The following ACAT2 variants were observed in gnomAD, a reference collection of about 807,000 sequenced individuals.
The protein encoded by ACAT2 is acetyl-CoA acetyltransferase 2, also known as acetyl-CoA acetyltransferase, cytosolic.
ACAT2 carries 26 observed loss-of-function variants against 37.1 expected under a neutral mutation model. The observed-to-expected ratio is 0.70, with a 90% CI of 0.51 to 0.97. ACAT2 has a LOEUF of 0.97. Ranked by LOEUF, ACAT2 falls within the 50% of genes least tolerant of loss-of-function variation. The probability of loss-of-function intolerance (pLI) is 0.00; values close to 1 mark genes in which losing one functional copy is unlikely to be tolerated. For missense variants in ACAT2, 468 were observed against 489.0 expected, an observed-to-expected ratio of 0.96 and a Z score of 0.40; for synonymous variants, 156 against 163.6, an observed-to-expected ratio of 0.95 and a Z score of 0.35.
At chr6:159,763,314 A>T (rs550507406) in intron 2 of ACAT2, among the ~76,000 whole-genome samples, 1 of 152,146 alleles carries the variant, frequency 6.6e-6, no homozygotes, top group East Asian at 1.9e-4. Context: ...GCACTTTGGG[A>T]GGCGGAGGAG....
chr6:159,778,809 ATG>A lies in ACAT2; in HGVS notation c.1180_1181del (p.Val394SerfsTer22). 6.2e-7 allele frequency: 1 copy of A among 1,614,214 alleles called. No individual in the cohort carries two copies. Among genetic ancestry groups the A allele is most frequent in the East Asian group, 2.2e-5 (1 of 44,876 alleles). On this transcript the variant is annotated frameshift_variant, in exon 9 of 9. Coordinates refer to ENST00000367048, the MANE Select transcript of ACAT2 (RefSeq NM_005891.3). LOFTEE classifies it high-confidence loss of function. Reference sequence around the variant, plus strand: ...CATTGGGGGTGGGATGGGAATAGCAATGTGTGTTCAGAGAGAATGAATTGCTT... The same window carrying A: ...CATTGGGGGTGGGATGGGAATAGCAATGTGTTCAGAGAGAATGAATTGCTT... ...LCIGGGMGIA[M>X]CVQRE
chr6:159,765,623 G>A (rs533138795), intron 2 of ACAT2, among the ~76,000 whole-genome samples: 13 of 151,136 alleles, frequency 8.6e-5, no homozygotes, highest in Non-Finnish European at 1.8e-4. Flanking sequence ...AGAGAGGGGG[G>A]GTTTCACCAT....
At chr6:159,775,591 A>G (rs2114984077) in intron 5 of ACAT2, 1 of 328,386 alleles carries the variant, frequency 3.0e-6, no homozygotes, top group East Asian at 5.8e-5. Context: ...GCACTGGCTC[A>G]TGGTTGTTAG....
At chr6:159,776,794 T>C (rs997534973) in intron 6 of ACAT2, among the ~76,000 whole-genome samples, 1 of 151,562 alleles carries the variant, frequency 6.6e-6, no homozygotes, top group African/African-American at 2.4e-5. Flanking sequence ...TGTAATCCTT[T>C]TTTTTTCTTT....
At chr6:159,762,565 T>C in intron 1 of ACAT2, 1 of 1,339,224 alleles carries the variant, frequency 7.5e-7, no homozygotes, top group South Asian at 1.3e-5. Flanking sequence ...TGGCTAGAAG[T>C]CGTGACTTCG....
chr6:159,776,179 C>G lies in ACAT2; in HGVS notation c.664C>G (p.Pro222Ala). 2 of 1,614,102 alleles carry G rather than the reference C, an allele frequency of 1.2e-6. No homozygotes were observed. Among genetic ancestry groups the G allele is most frequent in the Non-Finnish European group, 1.7e-6 (2 of 1,179,992 alleles). The change falls in exon 6 of 9, where the codon CCT (proline) becomes GCT (alanine). Residue 222 changes from proline to alanine, a missense_variant. Physicochemically the swap from Pro to Ala is conservative, Grantham distance 27. Transcript: ENST00000367048. ...TATTGAAGTTAAAACAGATGAGTTTCCTCGCCATGGGAGCAACATAGAAGC... is the reference window on the plus strand; with the variant it reads ...TATTGAAGTTAAAACAGATGAGTTTGCTCGCCATGGGAGCAACATAGAAGC... The part of the protein sequence containing the change: ...GLIEVKTDEF[P>A]RHGSNIEAMS...
In ACAT2 at chr6:159,778,923, A is replaced by T; in HGVS notation, c.*94A>T. On this transcript the variant is annotated 3_prime_UTR_variant, in exon 9 of 9. Coordinates refer to ENST00000367048, the MANE Select transcript of ACAT2 (RefSeq NM_005891.3). ...ATCAGAGGACCAAAGTACAGATGGA[A>T]ACCATTTCCTACATCACAAAAACCC... 6.3e-7 allele frequency: 1 copy of T among 1,575,712 alleles called. No homozygotes were observed. Among genetic ancestry groups the T allele is most frequent in the Non-Finnish European group, 8.6e-7 (1 of 1,156,720 alleles).
At chr6:159,767,549 C>T (rs1231919764) in intron 3 of ACAT2, among the ~76,000 whole-genome samples, 1 of 152,210 alleles carries the variant, frequency 6.6e-6, no homozygotes, top group East Asian at 1.9e-4. Context: ...TACCTTCCTG[C>T]ACATGACAAG....
intron 4 of ACAT2, 29 bp downstream of exon 4, chr6:159,768,657 A>G: frequency 6.6e-7 from 1 of 1,512,320 alleles, no homozygotes; most frequent in South Asian, 1.1e-5. Context: ...AAACTGTATT[A>G]GCTTTAAAAA....
chr6:159,762,449 C>G (rs1018975334), intron 1 of ACAT2: 14 of 1,346,534 alleles, frequency 1.0e-5, no homozygotes, highest in Admixed American at 9.5e-5. Context: ...CTCCGGGGCC[C>G]CTGATTGGCC....
chr6:159,770,144 T>C (rs540443594), intron 4 of ACAT2, among the ~76,000 whole-genome samples: 79 of 152,340 alleles, frequency 5.2e-4, no homozygotes, highest in African/African-American at 1.9e-3. Context: ...CAAGGTGATT[T>C]GCCAGTATTT....
At chr6:159,767,322 T>G in intron 3 of ACAT2, 136 bp downstream of exon 3, 1 of 920,724 alleles carries the variant, frequency 1.1e-6, no homozygotes, top group Non-Finnish European at 1.6e-6. Flanking sequence ...ACAACCTTGA[T>G]CCCTACTTGA....
chr6:159,766,945 C>G lies in ACAT2; in HGVS notation c.191-60C>G. 1.0e-5 allele frequency: 16 copies of G among 1,599,054 alleles called. No homozygotes were observed. The South Asian group carries it at 1.8e-4, about 18-fold the overall frequency. ...CAACTGGCAATTTTCCACACACTTT[C>G]ACTGTGACATTTTGTCTTTCTCCTT... On this transcript the variant is annotated intron_variant, in intron 2 of 8. Transcript: ENST00000367048.
chr6:159,777,452 A>G lies in ACAT2; in HGVS notation c.908A>G (p.Gln303Arg). The change falls in exon 7 of 9, where the codon CAA (glutamine) becomes CGA (arginine). Residue 303 changes from glutamine (Q) to arginine (R), a missense_variant. Gln to Arg is a conservative substitution (Grantham distance 43). Transcript: ENST00000367048. Reference sequence around the variant, plus strand: ...ATAGGACCAATTCCAGCCATAAAGCAAGCTGTGAGTATAACCCTATTCCCT... The same window carrying G: ...ATAGGACCAATTCCAGCCATAAAGCGAGCTGTGAGTATAACCCTATTCCCT... Reference protein sequence around the residue: ...MGIGPIPAIKQAVTKAGWSLE... With the variant: ...MGIGPIPAIKRAVTKAGWSLE... 6.2e-7 allele frequency: 1 copy of G among 1,612,828 alleles called. No homozygotes were observed. The highest frequency in any genetic ancestry group is 8.5e-7 in the Non-Finnish European group (1 of 1,179,632).
At chr6:159,774,928 T>A (rs1345215833) in intron 4 of ACAT2, among the ~76,000 whole-genome samples, 1 of 152,192 alleles carries the variant, frequency 6.6e-6, no homozygotes, top group African/African-American at 2.4e-5. Context: ...GAAGGAAATT[T>A]CTGTAAGTTT....
intron 4 of ACAT2, among the ~76,000 whole-genome samples, chr6:159,772,124 C>T (rs930956781): frequency 6.6e-6 from 1 of 152,022 alleles, no homozygotes; most frequent in Non-Finnish European, 1.5e-5. Context: ...ACTCTGGAGG[C>T]CAAGGGAGGA....
intron 7 of ACAT2, among the ~76,000 whole-genome samples, 181 bp from the exon 8 acceptor site, chr6:159,777,989 T>C (rs1190087363): frequency 1.3e-5 from 2 of 152,368 alleles, no homozygotes; most frequent in East Asian, 3.9e-4. Context: ...CCCTTAACCT[T>C]TTGGATGGAA....
In ACAT2 at chr6:159,765,682, T is replaced by G. The variant is rs75482622; in HGVS notation, c.191-1323T>G. Among the ~76,000 whole-genome samples the G allele has an allele frequency of 4.4e-4, 4 of 9,070 alleles. No homozygotes were observed. In the Admixed American group the frequency reaches 8.1e-3, roughly 18 times the overall value. The allele number at this position is 9,070 out of a possible 152,430, so 6.0% of individuals were successfully genotyped here. A position where few individuals can be genotyped will look rare whatever the true frequency, so the allele number is the denominator to read the frequency against. On this transcript the variant is annotated intron_variant, in intron 2 of 8. Transcript: ENST00000367048. The stretch of plus-strand genomic sequence containing the variant: ...CCTGACCTCAAGTAATGCGCCCCCC[T>G]CCCCCGGCCTCCCAAAGTGCTGGGA...
intron 1 of ACAT2, chr6:159,762,566 C>T: frequency 7.5e-7 from 1 of 1,339,922 alleles, no homozygotes; most frequent in Non-Finnish European, 9.7e-7. Context: ...GGCTAGAAGT[C>T]GTGACTTCGT....
Sources: allele counts gnomAD v4.1 joint callset (sites outside exome capture counted in the v4.1 genomes callset), GRCh38; gene constraint gnomAD v4.1.1; transcripts MANE v1.5; gene names NCBI Gene and HGNC (gene_info 2026-07-23, HGNC 2026-07-21).